ABCA6: variants seen among roughly 807,000 people sequenced by gnomAD.
ABCA6 encodes the protein ATP-binding cassette sub-family A member 6.
A neutral mutation model predicts 191.2 loss-of-function variants in ABCA6; 164 were observed. That is an observed-to-expected ratio of 0.86 (90% CI 0.76 to 0.98). ABCA6 has a LOEUF of 0.98. Among genes scored for constraint, ABCA6 ranks in the 50% least tolerant of loss-of-function variants. The pLI is 0.00. For synonymous variants in ABCA6, 636 were observed against 647.7 expected (o/e 0.98, Z 0.27); for missense variants, 1,958 against 1,894.1 (o/e 1.03, Z -0.63).
intron 5 of ABCA6, 117 bp downstream of exon 5, chr17:69,134,522 T>C: frequency 1.4e-6 from 1 of 715,210 alleles, no homozygotes; most frequent in East Asian, 2.7e-5. Flanking sequence ...TTACCCAATC[T>C]CAAGTATTTT....
At chr17:69,125,090 C>A in intron 8 of ABCA6, 55 bp from the exon 9 acceptor site, 1 of 983,442 alleles carries the variant, frequency 1.0e-6, no homozygotes, top group Non-Finnish European at 1.4e-6. Context: ...AATAGCTTGG[C>A]ATAGCAGGAA....
chr17:69,100,737 G>T, intron 22 of ABCA6, 60 bp downstream of exon 22: 1 of 1,469,834 alleles, frequency 6.8e-7, no homozygotes, highest in South Asian at 1.4e-5. Context: ...GCTAAAGAGA[G>T]AAAACATAGG....
chr17:69,079,578 G>A (rs1011976758), intron 37 of ABCA6, among the ~76,000 whole-genome samples: 3 of 152,098 alleles, frequency 2.0e-5, no homozygotes, highest in African/African-American at 7.2e-5. Context: ...TACACATGAG[G>A]AAGATCCTAT....
At position 69,110,865 on chromosome 17, in the gene ABCA6, T is replaced by G. The variant is rs560414209; in HGVS notation, c.2208A>C (p.Leu736Phe). The G allele has an allele frequency of 8.7e-6, 14 of 1,612,112 alleles. No homozygotes were observed. The highest frequency in any genetic ancestry group is 1.2e-5 in the Non-Finnish European group (14 of 1,179,072). ...CAAGCTTTTCTTTGTTTTCTGTTTTTAATTTAGCATCGGGGATGTGATGAG... is the reference window on the plus strand; with the variant it reads ...CAAGCTTTTCTTTGTTTTCTGTTTTGAATTTAGCATCGGGGATGTGATGAG... ...FITHHIPDAK[L>F]KTENKEKLVY... The change falls in exon 17 of 39, where the codon TTA becomes TTC. Residue 736 changes from leucine to phenylalanine, a missense_variant. Coordinates refer to ENST00000284425, the MANE Select transcript of ABCA6 (RefSeq NM_080284.3).
In ABCA6 at chr17:69,083,320, T is replaced by C; in HGVS notation, c.4367A>G (p.Gln1456Arg). 6.3e-7 allele frequency: 1 copy of C among 1,589,174 alleles called. No individual in the cohort carries two copies. The highest frequency in any genetic ancestry group is 8.5e-7 in the Non-Finnish European group (1 of 1,173,442). ...TCTCTCTGTGTTTTTAACGACTGCC[T>C]GGATTGCCTGCCTGCAGTGAGCAAA... ...TGQQQMWQAI[Q>R]AVVKNTERGV... Residue 1456 changes from glutamine to arginine, a missense_variant, in exon 35 of 39, where the codon CAG (glutamine) becomes CGG (arginine). Gln to Arg is a conservative substitution (Grantham distance 43). Coordinates refer to ENST00000284425, the MANE Select transcript of ABCA6 (RefSeq NM_080284.3).
In ABCA6 at chr17:69,091,270, G is replaced by C; in HGVS notation, c.3409-8C>G. 2.5e-6 allele frequency: 4 copies of C among 1,608,400 alleles called. No homozygotes were observed. The highest frequency in any genetic ancestry group is 3.4e-6 in the Non-Finnish European group (4 of 1,178,880). The stretch of plus-strand genomic sequence containing the variant: ...AAACATGATGGTGGAGGCCTACAAG[G>C]CAAGTTCAAATATATTGTATCAGAC... On this transcript the variant is annotated splice_region_variant and splice_polypyrimidine_tract_variant and intron_variant, in intron 25 of 38. Transcript: ENST00000284425.
chr17:69,106,417 AC>A (rs2073305531), intron 18 of ABCA6, among the ~76,000 whole-genome samples: 1 of 152,014 alleles, frequency 6.6e-6, no homozygotes, highest in African/African-American at 2.4e-5. Context: ...ACATGGCTAA[AC>A]CCTGTCTCTA....
chr17:69,107,082 G>C (rs573412047), intron 18 of ABCA6, among the ~76,000 whole-genome samples: 2 of 152,126 alleles, frequency 1.3e-5, no homozygotes, highest in African/African-American at 2.4e-5. Flanking sequence ...TACCAGATCT[G>C]TACATGTATC....
intron 20 of ABCA6, chr17:69,104,162 T>G (rs1437310702): frequency 6.6e-6 from 1 of 152,028 alleles, no homozygotes; most frequent in East Asian, 1.9e-4. Flanking sequence ...AAGATAAACG[T>G]GTTACCAATA....
chr17:69,102,167 G>A (rs2073196103), intron 21 of ABCA6, among the ~76,000 whole-genome samples: 1 of 152,108 alleles, frequency 6.6e-6, no homozygotes. Context: ...CCAACATGAT[G>A]AAACCCACTC....
chr17:69,089,680 T>G (rs1428057034), intron 26 of ABCA6, 138 bp from the exon 27 acceptor site: 1 of 663,958 alleles, frequency 1.5e-6, no homozygotes, highest in African/African-American at 1.8e-5. Context: ...AGTGACAAAG[T>G]AATTCCCCAC....
At chr17:69,129,794 T>A (rs1476851877) in intron 6 of ABCA6, 43 bp from the exon 7 acceptor site, 1 of 1,415,216 alleles carries the variant, frequency 7.1e-7, no homozygotes, top group East Asian at 2.5e-5. Flanking sequence ...TTAACTTATT[T>A]ACAAAATATT....
At position 69,114,811 on chromosome 17, in the gene ABCA6, C is replaced by T. The variant is rs752397455; in HGVS notation, c.1733G>A (p.Ser578Asn). 2 of 1,612,478 alleles carry T rather than the reference C, an allele frequency of 1.2e-6. No homozygotes were observed. Among genetic ancestry groups the T allele is most frequent in the Non-Finnish European group, 1.7e-6 (2 of 1,179,230 alleles). ...FDILTVKENL[S>N]LFAKIKGIHL... is the part of the protein sequence containing the mutation. ...AATCCCTTTTATTTTAGCAAACAGG[C>T]TGAGGTTTTCCTTCACGGTGAGTAT... Residue 578 changes from serine to asparagine, a missense_variant, in exon 13 of 39, where the codon AGC (serine) becomes AAC (asparagine). By Grantham distance (46) the Ser-to-Asn change is conservative. Coordinates refer to ENST00000284425, the MANE Select transcript of ABCA6 (RefSeq NM_080284.3).
rs757990751 is a variant in ABCA6, at chr17:69,100,870, A to G, written c.2939T>C (p.Ile980Thr). The change falls in exon 22 of 39, where the codon ATT becomes ACT. Residue 980 changes from isoleucine (I) to threonine (T), a missense_variant. Ile to Thr is a moderately conservative substitution (Grantham distance 89). Coordinates refer to ENST00000284425, the MANE Select transcript of ABCA6 (RefSeq NM_080284.3). Reference sequence around the variant, plus strand: ...CATTTGAAGTAGCCCATTGCTGATAATATTCATAAGAATTGGAAAACAGTG... The same window carrying G: ...CATTTGAAGTAGCCCATTGCTGATAGTATTCATAAGAATTGGAAAACAGTG... Reference protein sequence around the residue: ...RLHCFPILMNIISNGLLQMFN... With the variant: ...RLHCFPILMNTISNGLLQMFN... 15 of 1,612,162 alleles carry G rather than the reference A, an allele frequency of 9.3e-6. No individual in the cohort carries two copies. The highest frequency in any genetic ancestry group is 1.3e-5 in the Non-Finnish European group (15 of 1,178,792).
intron 13 of ABCA6, 151 bp downstream of exon 13, chr17:69,114,611 C>A: frequency 1.1e-5 from 7 of 649,024 alleles, no homozygotes; most frequent in South Asian, 2.8e-5. Flanking sequence ...CAATTTTAAC[C>A]ACTCATTAAA....
intron 26 of ABCA6, 90 bp from the exon 27 acceptor site, chr17:69,089,632 A>G: frequency 9.0e-7 from 1 of 1,107,738 alleles, no homozygotes; most frequent in Admixed American, 2.2e-5. Context: ...CACATATTGA[A>G]TATTTTCCTC....
intron 2 of ABCA6, among the ~76,000 whole-genome samples, chr17:69,138,824 T>C (rs1160601864): frequency 5.3e-5 from 8 of 150,298 alleles, no homozygotes; most frequent in Non-Finnish European, 1.2e-4. Flanking sequence ...TTGACAAACC[T>C]GAGAAAAACA....
In ABCA6 at chr17:69,085,037, G is replaced by T. The variant is rs1464967295; in HGVS notation, c.4175C>A (p.Ala1392Asp). The change falls in exon 32 of 39, where the codon GCC becomes GAC. Residue 1392 changes from alanine to aspartate, a missense_variant. By Grantham distance (126) the Ala-to-Asp change is moderately radical. Coordinates refer to ENST00000284425, the MANE Select transcript of ABCA6 (RefSeq NM_080284.3). ...KGLRKADARL[A>D]IARLVSAFKL... is the part of the protein sequence containing the mutation. Reference sequence around the variant, plus strand: ...CAGGTCCCGTCTGTACCTTGCGATGGCGAGCCTCGCGTCCGCTTTCCTGAG... The same window carrying T: ...CAGGTCCCGTCTGTACCTTGCGATGTCGAGCCTCGCGTCCGCTTTCCTGAG... 4.3e-6 allele frequency: 7 copies of T among 1,609,534 alleles called. No homozygotes were observed. Among genetic ancestry groups the T allele is most frequent in the Non-Finnish European group, 5.9e-6 (7 of 1,178,930 alleles).
intron 8 of ABCA6, among the ~76,000 whole-genome samples, chr17:69,127,141 T>C (rs577457087): frequency 3.3e-5 from 5 of 152,154 alleles, no homozygotes; most frequent in Non-Finnish European, 5.9e-5. Flanking sequence ...ACACAAAAGT[T>C]ACACTGAAGT....
Sources: gnomAD v4.1 joint callset for allele counts (sites outside exome capture counted in the v4.1 genomes callset) on GRCh38, gnomAD v4.1.1 for gene constraint, MANE v1.5 for transcripts, NCBI Gene and HGNC (gene_info 2026-07-23, HGNC 2026-07-21) for gene names.